The following UBE2J1 variants were observed in gnomAD, a reference collection of about 807,000 sequenced individuals.
UBE2J1 encodes the protein ubiquitin conjugating enzyme E2 J1.
A neutral mutation model predicts 42.1 loss-of-function variants in UBE2J1; 17 were observed. The observed-to-expected ratio is 0.40, with a 90% CI of 0.28 to 0.61. UBE2J1 has a LOEUF of 0.61. Among genes scored for constraint, UBE2J1 ranks in the 20% least tolerant of loss-of-function variants. The probability of loss-of-function intolerance (pLI) is 0.38; values close to 1 mark genes in which losing one functional copy is unlikely to be tolerated. For synonymous variants in UBE2J1, 127 were observed against 137.2 expected (o/e 0.93, Z 0.52); for missense variants, 291 against 389.4 (o/e 0.75, Z 2.13).
intron 1 of UBE2J1, among the ~76,000 whole-genome samples, chr6:89,347,858 C>T (rs556621456): frequency 6.6e-6 from 1 of 152,294 alleles, no homozygotes; most frequent in Admixed American, 6.5e-5. Context: ...AATTTCTCCA[C>T]AAAATTCTCC....
At chr6:89,334,418 A>G (rs1399003185) in intron 6 of UBE2J1, among the ~76,000 whole-genome samples, 1 of 152,110 alleles carries the variant, frequency 6.6e-6, no homozygotes, top group Non-Finnish European at 1.5e-5. Context: ...CCAAAATATT[A>G]ACAGTAGCTA....
intron 3 of UBE2J1, among the ~76,000 whole-genome samples, 164 bp downstream of exon 3, chr6:89,342,160 C>T (rs1012355926): frequency 6.6e-6 from 1 of 152,116 alleles, no homozygotes; most frequent in African/African-American, 2.4e-5. Context: ...CATCAGCTTC[C>T]TAGGAATTAT....
At chr6:89,352,719 GGGTGGCAAGGCTGAGTGCGGGCGA>G in exon 1 of UBE2J1, 3 of 844,220 alleles carry the variant, frequency 3.6e-6, no homozygotes, top group African/African-American at 3.6e-5. Context: ...ACTGCGGGCG[GGGTGGCAAGGCTGAGTGCGGGCGA>G]GGCGCTCGCT....
intron 1 of UBE2J1, among the ~76,000 whole-genome samples, chr6:89,350,064 C>T (rs1027137343): frequency 1.3e-5 from 2 of 152,120 alleles, no homozygotes; most frequent in Non-Finnish European, 2.9e-5. Context: ...CAACTACTGA[C>T]AACTACCACA....
chr6:89,338,909 C>CAT (rs1469890678), intron 3 of UBE2J1, among the ~76,000 whole-genome samples: 12 of 152,098 alleles, frequency 7.9e-5, no homozygotes, highest in African/African-American at 2.6e-4. Context: ...TTGTGATCTG[C>CAT]CCACCTTGGC....
At position 89,339,688 on chromosome 6, in the gene UBE2J1, T is replaced by C. The variant is rs188897114; in HGVS notation, c.238-1145A>G. 5.8e-3 allele frequency among the ~76,000 whole-genome samples: 407 copies of C among 69,818 alleles called. 2 individuals are homozygous for C. Among genetic ancestry groups the C allele is most frequent in the African/African-American group, 0.021 (386 of 18,148 alleles). 45.8% of individuals were successfully genotyped at this position (69,818 alleles called of 152,430 possible). ...GAGGATTTACTAATGTCCTACCCTGTGCCTAGTATGGAGCTAGGCTCAGTT... is the reference window on the plus strand; with the variant it reads ...GAGGATTTACTAATGTCCTACCCTGCGCCTAGTATGGAGCTAGGCTCAGTT... On this transcript the variant is annotated intron_variant, in intron 3 of 7. Coordinates refer to ENST00000435041, the MANE Select transcript of UBE2J1 (RefSeq NM_016021.3).
chr6:89,347,162 G>A lies in UBE2J1; in HGVS notation c.32-3406C>T, dbSNP rs142075437. Among the ~76,000 whole-genome samples, 630 of 152,218 alleles carry A rather than the reference G, an allele frequency of 4.1e-3. 2 individuals carry two copies. The highest frequency in any genetic ancestry group is 0.014 in the African/African-American group (598 of 41,514). On this transcript the variant is annotated intron_variant, in intron 1 of 7. Transcript: ENST00000435041. ...TGCAGAGGCCAGTGGAAGGGCCTGC[G>A]GACTATCTACTCCCTGTCCTTCCAT...
At chr6:89,340,803 C>G (rs1446817906) in intron 3 of UBE2J1, among the ~76,000 whole-genome samples, 2 of 150,650 alleles carry the variant, frequency 1.3e-5, no homozygotes, top group South Asian at 4.2e-4. Context: ...GAGTCTCGCT[C>G]TGTCGCCCAG....
chr6:89,346,970 T>G (rs145414748), intron 1 of UBE2J1, among the ~76,000 whole-genome samples: 20 of 152,348 alleles, frequency 1.3e-4, no homozygotes, highest in African/African-American at 4.8e-4. Flanking sequence ...TGAATTAAAT[T>G]TTACTATCTT....
chr6:89,329,590 AATCTT>A lies in UBE2J1; in HGVS notation c.*84_*88del. On this transcript the variant is annotated 3_prime_UTR_variant, in exon 8 of 8. Coordinates refer to ENST00000435041, the MANE Select transcript of UBE2J1 (RefSeq NM_016021.3). Reference sequence around the variant, plus strand: ...AAGGAATGAAGGGTAAATACAAAATAATCTTTTTGTAAACAATTCTTAGATTATAC... The same window carrying A: ...AAGGAATGAAGGGTAAATACAAAATATTTGTAAACAATTCTTAGATTATAC... 1 of 1,396,250 alleles carries A rather than the reference AATCTT, an allele frequency of 7.2e-7. No individual in the cohort carries two copies. The highest frequency in any genetic ancestry group is 9.9e-7 in the Non-Finnish European group (1 of 1,007,718). The allele number at this position is 1,396,250 out of a possible 1,614,324, so 86.5% of individuals were successfully genotyped here.
At chr6:89,352,484 C>CCCGGGGT (rs1768505181) in intron 1 of UBE2J1, 55 bp downstream of exon 1, 1 of 1,524,978 alleles carries the variant, frequency 6.6e-7, no homozygotes, top group Non-Finnish European at 8.8e-7. Context: ...CGGCGACCAC[C>CCCGGGGT]CCGGGGTCCA....
rs139702812 is a variant in UBE2J1, at chr6:89,346,640, C to T, written c.32-2884G>A. On this transcript the variant is annotated intron_variant, in intron 1 of 7. Transcript: ENST00000435041. ...TCTATGACACCTTCCCTGGTTGCCC[C>T]CTGCCCCCCACCCCCTACAGTGCTT... 4.1e-3 allele frequency among the ~76,000 whole-genome samples: 626 copies of T among 152,150 alleles called. 2 individuals carry two copies. The highest frequency in any genetic ancestry group is 0.014 in the African/African-American group (597 of 41,508).
At chr6:89,335,623 G>T (rs181230384) in intron 5 of UBE2J1, among the ~76,000 whole-genome samples, 192 bp from the exon 6 acceptor site, 4 of 152,050 alleles carry the variant, frequency 2.6e-5, no homozygotes, top group African/African-American at 9.6e-5. Flanking sequence ...TAAATGTTAG[G>T]CTGGCTTTAA....
chr6:89,344,984 G>T (rs1190058929), intron 1 of UBE2J1, among the ~76,000 whole-genome samples: 7 of 152,206 alleles, frequency 4.6e-5, no homozygotes. Flanking sequence ...ACTGCAGTGG[G>T]ATGGCTGAGT....
intron 1 of UBE2J1, among the ~76,000 whole-genome samples, chr6:89,350,930 C>T (rs1184552584): frequency 6.6e-6 from 1 of 152,098 alleles, no homozygotes; most frequent in Non-Finnish European, 1.5e-5. Context: ...AGCCACCATA[C>T]ATTTTTACCC....
At chr6:89,350,888 C>T (rs2127875425) in intron 1 of UBE2J1, among the ~76,000 whole-genome samples, 1 of 152,132 alleles carries the variant, frequency 6.6e-6, no homozygotes, top group Non-Finnish European at 1.5e-5. Context: ...CACTAAGCAC[C>T]TCTGCTGTCC....
At chr6:89,338,338 A>C in intron 4 of UBE2J1, 28 bp from the exon 5 acceptor site, 1 of 1,600,704 alleles carries the variant, frequency 6.2e-7, no homozygotes, top group Non-Finnish European at 8.5e-7. Context: ...ATATCAATCT[A>C]AATTGCTTTG....
At chr6:89,334,307 C>A (rs915458484) in intron 6 of UBE2J1, among the ~76,000 whole-genome samples, 4 of 150,294 alleles carry the variant, frequency 2.7e-5, no homozygotes, top group Non-Finnish European at 4.4e-5. Flanking sequence ...CCAGCTAATA[C>A]CTTCAATAAT....
At chr6:89,351,560 A>C (rs2127876088) in intron 1 of UBE2J1, among the ~76,000 whole-genome samples, 1 of 152,206 alleles carries the variant, frequency 6.6e-6, no homozygotes, top group South Asian at 2.1e-4. Context: ...CACAGTGTCA[A>C]CTCTTTCCAC....
Sources: gnomAD v4.1 joint callset for allele counts (sites outside exome capture counted in the v4.1 genomes callset) on GRCh38, gnomAD v4.1.1 for gene constraint, MANE v1.5 for transcripts, NCBI Gene and HGNC (gene_info 2026-07-23, HGNC 2026-07-21) for gene names.